NEDD4L: variants seen among roughly 807,000 people sequenced by gnomAD.
The protein encoded by NEDD4L is E3 ubiquitin-protein ligase NEDD4-like.
NEDD4L carries 54 observed loss-of-function variants against 148.9 expected under a neutral mutation model. The observed-to-expected ratio is 0.36, with a 90% confidence interval of 0.29 to 0.45. The LOEUF (loss-of-function observed/expected upper bound fraction) is 0.45. Ranked by LOEUF, NEDD4L falls within the 20% of genes least tolerant of loss-of-function variation. NEDD4L has a pLI of 1.00. For missense variants in NEDD4L, 856 were observed against 1,233.8 expected (o/e 0.69, Z 4.59); for synonymous variants, 433 against 440.7 (o/e 0.98, Z 0.22).
At chr18:58,342,123 A>T (rs549027208) in intron 15 of NEDD4L, among the ~76,000 whole-genome samples, 1 of 152,214 alleles carries the variant, frequency 6.6e-6, no homozygotes, top group Non-Finnish European at 1.5e-5. Context: ...AGAATTGCGT[A>T]ATCCCTCTTT....
At chr18:58,249,039 A>G (rs1417694065) in intron 4 of NEDD4L, 102 bp downstream of exon 4, 3 of 615,768 alleles carry the variant, frequency 4.9e-6, no homozygotes, top group Non-Finnish European at 8.2e-6. Flanking sequence ...TTAATGAGAA[A>G]TTCCTTTTAG....
intron 2 of NEDD4L, among the ~76,000 whole-genome samples, chr18:58,230,212 T>G (rs1008567695): frequency 1.3e-5 from 2 of 152,192 alleles, no homozygotes. Context: ...AATTAAATGT[T>G]TTATTATTTC....
chr18:58,073,740 T>C (rs767949808), intron 1 of NEDD4L, among the ~76,000 whole-genome samples: 5 of 152,190 alleles, frequency 3.3e-5, no homozygotes, highest in Non-Finnish European at 5.9e-5. Flanking sequence ...GTATAGAGTT[T>C]CCTTTGGGAT....
intron 2 of NEDD4L, among the ~76,000 whole-genome samples, chr18:58,186,552 G>C (rs1018313978): frequency 2.0e-5 from 3 of 152,166 alleles, no homozygotes; most frequent in African/African-American, 2.4e-5. Context: ...ACATGAGGCA[G>C]CAGAGGCTGA....
chr18:58,309,591 A>T (rs971845298), intron 5 of NEDD4L, among the ~76,000 whole-genome samples: 23 of 151,836 alleles, frequency 1.5e-4, no homozygotes, highest in African/African-American at 5.1e-4. Flanking sequence ...GCTCCTAAGC[A>T]CAACAGTGCT....
chr18:58,273,267 T>C (rs1268741019), intron 5 of NEDD4L, among the ~76,000 whole-genome samples: 1 of 152,246 alleles, frequency 6.6e-6, no homozygotes, highest in Non-Finnish European at 1.5e-5. Context: ...CCTCAGTAGA[T>C]GCAAAACTCA....
chr18:58,072,312 C>T (rs370092467), intron 1 of NEDD4L, among the ~76,000 whole-genome samples: 1 of 152,070 alleles, frequency 6.6e-6, no homozygotes, highest in Admixed American at 6.6e-5. Context: ...AGGCCAAAAT[C>T]CTCAGTGCAA....
intron 1 of NEDD4L, among the ~76,000 whole-genome samples, chr18:58,132,552 T>C (rs1005285208): frequency 6.6e-6 from 1 of 152,214 alleles, no homozygotes; most frequent in Non-Finnish European, 1.5e-5. Context: ...TCTTAGCAAG[T>C]TGATTAATCT....
intron 5 of NEDD4L, among the ~76,000 whole-genome samples, chr18:58,263,660 C>CTTTTTTTT (rs71173041): frequency 1.4e-4 from 15 of 103,638 alleles, no homozygotes; most frequent in Non-Finnish European, 2.6e-4. Context: ...ACTTCTTAGG[C>CTTTTTTTT]TTTTTTTTTT....
intron 1 of NEDD4L, among the ~76,000 whole-genome samples, chr18:58,111,218 C>T (rs1371130172): frequency 2.0e-5 from 3 of 152,132 alleles, no homozygotes; most frequent in Non-Finnish European, 4.4e-5. Context: ...CAAGCTCATG[C>T]CACTACACCC....
In NEDD4L at chr18:58,166,968, C is replaced by T. The variant is rs982272246; in HGVS notation, c.122+1107C>T. ...AGTAAGCACGCCTCTATTTTCTCACCTGTGATTGATCATGCATGATTGAGT... is the reference window on the plus strand; with the variant it reads ...AGTAAGCACGCCTCTATTTTCTCACTTGTGATTGATCATGCATGATTGAGT... On this transcript the variant is annotated intron_variant, in intron 2 of 30. Transcript: ENST00000400345. 2.6e-5 allele frequency among the ~76,000 whole-genome samples: 4 copies of T among 152,286 alleles called. No homozygotes were observed. In the South Asian group the frequency reaches 8.3e-4, roughly 32 times the overall value.
At chr18:58,279,996 G>C (rs2052760241) in intron 5 of NEDD4L, among the ~76,000 whole-genome samples, 1 of 152,170 alleles carries the variant, frequency 6.6e-6, no homozygotes, top group Non-Finnish European at 1.5e-5. Context: ...CATCCCTGAA[G>C]CACACTCAGC....
intron 9 of NEDD4L, among the ~76,000 whole-genome samples, chr18:58,328,667 A>T (rs1467896661): frequency 6.6e-6 from 1 of 152,192 alleles, no homozygotes; most frequent in Non-Finnish European, 1.5e-5. Flanking sequence ...CAGAGGTCTG[A>T]CTTGTCACTG....
At chr18:58,348,326 CTTT>C (rs771263533) in intron 16 of NEDD4L, among the ~76,000 whole-genome samples, 67 of 88,638 alleles carry the variant, frequency 7.6e-4, no homozygotes, top group African/African-American at 3.5e-3. Flanking sequence ...TCTTTTTTTT[CTTT>C]TTTTTTTTTT....
intron 5 of NEDD4L, among the ~76,000 whole-genome samples, chr18:58,271,376 A>G (rs964169321): frequency 9.2e-5 from 14 of 152,144 alleles, no homozygotes; most frequent in African/African-American, 3.4e-4. Context: ...TATTTTTATT[A>G]CTTTAAGTTA....
intron 2 of NEDD4L, among the ~76,000 whole-genome samples, chr18:58,169,805 C>T (rs1168797998): frequency 6.6e-6 from 1 of 152,154 alleles, no homozygotes; most frequent in Non-Finnish European, 1.5e-5. Context: ...GCTGGGTCCT[C>T]ATCTCCTCCG....
At chr18:58,233,287 A>AGACATACCCAAGACTGG (rs1404932194) in intron 2 of NEDD4L, among the ~76,000 whole-genome samples, 1 of 152,258 alleles carries the variant, frequency 6.6e-6, no homozygotes, top group African/African-American at 2.4e-5. Flanking sequence ...CTGCTGGTAA[A>AGACATACCCAAGACTGG]GACATACCCA....
chr18:58,222,781 G>A (rs1232875301), intron 2 of NEDD4L, among the ~76,000 whole-genome samples: 1 of 152,170 alleles, frequency 6.6e-6, no homozygotes, highest in African/African-American at 2.4e-5. Flanking sequence ...AAAGCCTACA[G>A]TCAAATCTGA....
intron 2 of NEDD4L, among the ~76,000 whole-genome samples, chr18:58,192,921 T>G (rs748227266): frequency 6.6e-6 from 1 of 152,236 alleles, no homozygotes; most frequent in African/African-American, 2.4e-5. Flanking sequence ...GCCTGCTTTC[T>G]TCACTTCTGA....
Sources: gnomAD v4.1 joint callset for allele counts (sites outside exome capture counted in the v4.1 genomes callset) on GRCh38, gnomAD v4.1.1 for gene constraint, MANE v1.5 for transcripts, NCBI Gene and HGNC (gene_info 2026-07-23, HGNC 2026-07-21) for gene names.